ABCA13: variants seen among roughly 807,000 people sequenced by gnomAD.
ABCA13 encodes ATP binding cassette subfamily A member 13, also known as ATP-binding cassette sub-family A member 13.
A neutral mutation model predicts 478.7 loss-of-function variants in ABCA13; 476 were observed. The ratio of observed to expected loss-of-function variants is 0.99; its 90% CI spans 0.92 to 1.07. The LOEUF is 1.07. Ranked by LOEUF, ABCA13 falls within the 50% of genes least tolerant of loss-of-function variation. The pLI is 0.00. For missense variants in ABCA13, 6,060 were observed against 5,910.6 expected, an observed-to-expected ratio of 1.03 and a Z score of -0.83; for synonymous variants, 2,252 against 2,158.9, an observed-to-expected ratio of 1.04 and a Z score of -1.20.
chr7:48,519,227 ACGTCTTTGCT>A (rs1431194312), intron 52 of ABCA13, among the ~76,000 whole-genome samples: 1 of 152,140 alleles, frequency 6.6e-6, no homozygotes, highest in Non-Finnish European at 1.5e-5. Flanking sequence ...GGTTGATTCC[ACGTCTTTGCT>A]ATTGTGAATA....
intron 55 of ABCA13, 26 bp downstream of exon 55, chr7:48,528,371 G>T: frequency 6.8e-7 from 1 of 1,467,732 alleles, no homozygotes; most frequent in South Asian, 1.4e-5. Flanking sequence ...CATCATTTTT[G>T]TTGCTTAAAG....
intron 23 of ABCA13, among the ~76,000 whole-genome samples, chr7:48,303,550 A>G (rs1446766067): frequency 6.6e-6 from 1 of 152,112 alleles, no homozygotes; most frequent in African/African-American, 2.4e-5. Context: ...TCTTCTGCAC[A>G]TGGCTAGCCA....
chr7:48,444,269 CCCCTT>C (rs1404587627), intron 42 of ABCA13, among the ~76,000 whole-genome samples: 14 of 152,174 alleles, frequency 9.2e-5, no homozygotes, highest in African/African-American at 3.4e-4. Context: ...ATAGCTCTCT[CCCCTT>C]TACAGCCAAA....
Position 48,516,710 on chromosome 7 carries a change from C to CACT in ABCA13, c.13641-14_13641-12dup. On this transcript the variant is annotated splice_polypyrimidine_tract_variant and intron_variant, in intron 51 of 61. Transcript: ENST00000435803. ...TTACAGTAAAACAAACATTACTTTT[C>CACT]ACTTTACTTTTCAGATATGCAACTC... 1 of 1,611,956 alleles carries CACT rather than the reference C, an allele frequency of 6.2e-7. No individual in the cohort carries two copies. The highest frequency in any genetic ancestry group is 8.5e-7 in the Non-Finnish European group (1 of 1,178,590).
At chr7:48,224,894 T>G (rs1219645504) in intron 5 of ABCA13, among the ~76,000 whole-genome samples, 1 of 152,168 alleles carries the variant, frequency 6.6e-6, no homozygotes, top group African/African-American at 2.4e-5. Flanking sequence ...CCTGGGACCA[T>G]CTCCTGAATA....
chr7:48,520,023 C>CT lies in ABCA13; in HGVS notation c.13798-11dup, dbSNP rs761450742. ...AATAGCTTTTAATTGGATTTTTTTT[C>CT]TTTTTTTCACTGTGCAGAATTTACA... is the stretch of plus-strand genomic sequence containing the variant. On this transcript the variant is annotated splice_polypyrimidine_tract_variant and intron_variant, in intron 52 of 61. Transcript: ENST00000435803. 3.2e-6 allele frequency: 5 copies of CT among 1,568,812 alleles called. No individual in the cohort carries two copies. The South Asian group carries it at 3.6e-5, about 11-fold the overall frequency.
At chr7:48,396,771 T>C (rs1248470033) in intron 38 of ABCA13, among the ~76,000 whole-genome samples, 2 of 152,082 alleles carry the variant, frequency 1.3e-5, no homozygotes, top group Admixed American at 6.5e-5. Flanking sequence ...TCTCGGAACT[T>C]GGCAGGCAGG....
In ABCA13 at chr7:48,245,538, G is replaced by A. The variant is rs757388824; in HGVS notation, c.1417G>A (p.Ala473Thr). ...QEVLICLETS[A>T]NDFKWFELNQ... is the part of the protein sequence containing the mutation. ...AGTCCTCATTTGCCTGGAGACATCAGCTAATGATTTTAAATGGTTTGAACT... is the reference window on the plus strand; with the variant it reads ...AGTCCTCATTTGCCTGGAGACATCAACTAATGATTTTAAATGGTTTGAACT... The change falls in exon 12 of 62, where the codon GCT (alanine) becomes ACT (threonine). Residue 473 changes from alanine to threonine, a missense_variant. By Grantham distance (58) the Ala-to-Thr change is moderately conservative. Around this residue, in one of 3 missense-constraint regions of ABCA13, gnomAD observed 4,423 missense variants for 4,309.1 expected, o/e 1.03. Transcript: ENST00000435803. 3.1e-6 allele frequency: 5 copies of A among 1,612,520 alleles called. No homozygotes were observed. Among genetic ancestry groups the A allele is most frequent in the Non-Finnish European group, 4.2e-6 (5 of 1,179,494 alleles).
At chr7:48,403,545 G>T in intron 38 of ABCA13, 138 bp from the exon 39 acceptor site, 1 of 857,066 alleles carries the variant, frequency 1.2e-6, no homozygotes, top group Non-Finnish European at 1.8e-6. Flanking sequence ...ACTCACGTGT[G>T]TGTAGCATCC....
rs1796781669 is a variant in ABCA13 at position 48,279,783 on chromosome 7, A to G, written c.8589A>G (p.Ser2863=). Residue 2863 remains serine, a synonymous_variant, in exon 18 of 62, where the codon TCA becomes TCG. Transcript: ENST00000435803. ...IKATTGKNVT[S]EKEERTKKEM... The stretch of plus-strand genomic sequence containing the variant: ...CAACCACCGGAAAGAATGTCACATC[A>G]GAAAAAGAAGAGAGAACCAAGAAAG... 6.2e-7 allele frequency: 1 copy of G among 1,606,298 alleles called. No homozygotes were observed. Among genetic ancestry groups the G allele is most frequent in the African/African-American group, 1.3e-5 (1 of 74,264 alleles).
At chr7:48,602,886 GTGTCCTCTTTT>G (rs1218467308) in intron 58 of ABCA13, among the ~76,000 whole-genome samples, 1 of 151,992 alleles carries the variant, frequency 6.6e-6, no homozygotes, top group African/African-American at 2.4e-5. Flanking sequence ...TCACTTGATT[GTGTCCTCTTTT>G]ATTTCCTTGA....
At chr7:48,386,106 G>T (rs1815143721) in intron 35 of ABCA13, among the ~76,000 whole-genome samples, 1 of 152,082 alleles carries the variant, frequency 6.6e-6, no homozygotes, top group South Asian at 2.1e-4. Context: ...CAACAGTCAA[G>T]CCCAGAGTTA....
chr7:48,613,433 A>T (rs967355366), intron 58 of ABCA13, among the ~76,000 whole-genome samples: 11 of 151,896 alleles, frequency 7.2e-5, no homozygotes, highest in African/African-American at 2.4e-4. Flanking sequence ...CAGGTGATCC[A>T]CCCACCTCGG....
In ABCA13 at chr7:48,225,615, A is replaced by C. The variant is rs143267445; in HGVS notation, c.469-1647A>C. ...TTGTTCTGGAACGGTCTTTGTTTTT[A>C]TTTCATCATGATTTTTGAATAGATC... On this transcript the variant is annotated intron_variant, in intron 5 of 61. Coordinates refer to ENST00000435803, the MANE Select transcript of ABCA13 (RefSeq NM_152701.5). Among the ~76,000 whole-genome samples, 376 of 152,202 alleles carry C rather than the reference A, an allele frequency of 2.5e-3. 5 individuals carry two copies. The highest frequency in any genetic ancestry group is 8.6e-3 in the African/African-American group (358 of 41,526).
intron 59 of ABCA13, among the ~76,000 whole-genome samples, chr7:48,632,914 A>C (rs1336794918): frequency 6.6e-6 from 1 of 152,190 alleles, no homozygotes; most frequent in Non-Finnish European, 1.5e-5. Context: ...AGTTAATACA[A>C]AAAAATTACT....
chr7:48,495,733 AG>A (rs1358189997), intron 48 of ABCA13, among the ~76,000 whole-genome samples: 1 of 152,024 alleles, frequency 6.6e-6, no homozygotes, highest in African/African-American at 2.4e-5. Flanking sequence ...TGAAGCTCTG[AG>A]GTACACGTCA....
chr7:48,232,139 A>ATTTTTTCTTTTTTTT (rs1789203432), intron 7 of ABCA13, among the ~76,000 whole-genome samples: 1 of 51,318 alleles, frequency 1.9e-5, no homozygotes, highest in Non-Finnish European at 3.6e-5. Flanking sequence ...CCCACATGGA[A>ATTTTTTCTTTTTTTT]TTTTTTTTTT....
At chr7:48,507,574 A>C (rs1448174204) in intron 49 of ABCA13, among the ~76,000 whole-genome samples, 4 of 152,158 alleles carry the variant, frequency 2.6e-5, no homozygotes, top group Admixed American at 2.6e-4. Context: ...GATATCTTTC[A>C]TCTTAATTGG....
chr7:48,255,096 C>T (rs1438772013), intron 15 of ABCA13, among the ~76,000 whole-genome samples: 1 of 152,116 alleles, frequency 6.6e-6, no homozygotes, highest in Non-Finnish European at 1.5e-5. Flanking sequence ...GGTTGGACTA[C>T]AACAATCTAG....
Sources: allele counts gnomAD v4.1 joint callset (sites outside exome capture counted in the v4.1 genomes callset), GRCh38; gene constraint gnomAD v4.1.1; regional missense constraint gnomAD v4.1.1; transcripts MANE v1.5; gene names NCBI Gene and HGNC (gene_info 2026-07-23, HGNC 2026-07-21).